DMD: variants seen among roughly 807,000 people sequenced by gnomAD.
The protein encoded by DMD is mutant dystrophin.
DMD carries 63 observed loss-of-function variants against 330.1 expected under a neutral mutation model. The observed-to-expected ratio is 0.19, with a 90% CI of 0.16 to 0.24. The LOEUF is 0.24. Among genes scored for constraint, DMD ranks in the 10% least tolerant of loss-of-function variants. DMD has a pLI of 1.00. For missense variants in DMD, 3,344 were observed against 2,684.1 expected (o/e 1.25, Z -5.43); for synonymous variants, 1,223 against 959.8 (o/e 1.27, Z -5.07).
chrX:31,395,068 G>A (rs1346172448), intron 60 of DMD, among the ~76,000 whole-genome samples: 3 of 109,199 alleles, frequency 2.7e-5, no homozygotes, highest in Non-Finnish European at 5.7e-5. Flanking sequence ...TTGAGGAATC[G>A]CTTTCCCCAT....
At chrX:32,151,990 G>C (rs1344914292) in intron 44 of DMD, among the ~76,000 whole-genome samples, 2 of 112,004 alleles carry the variant, frequency 1.8e-5, no homozygotes, top group Non-Finnish European at 3.8e-5. Flanking sequence ...ATAAATAGCT[G>C]TTTAAATAGC....
chrX:33,159,800 C>T (rs764825041), intron 1 of DMD, among the ~76,000 whole-genome samples: 1 of 111,571 alleles, frequency 9.0e-6, no homozygotes, highest in Non-Finnish European at 1.9e-5. Flanking sequence ...AGTATACACC[C>T]AGTAATGGGA....
rs184237224 is a variant in DMD, at chrX:32,633,205, C to T, written c.1331+10927G>A. ...TAGGTTGTTAGAAGTGGCCACACAA[C>T]GTCTTGAACATTTTGCTGCTTAGAA... On this transcript the variant is annotated intron_variant, in intron 11 of 78. Coordinates refer to ENST00000357033, the MANE Select transcript of DMD (RefSeq NM_004006.3). 5.9e-3 allele frequency among the ~76,000 whole-genome samples: 656 copies of T among 111,794 alleles called. 3 individuals carry two copies. Among genetic ancestry groups the T allele is most frequent in the African/African-American group, 0.02 (626 of 30,743 alleles).
At chrX:32,332,521 G>C (rs893711699) in intron 41 of DMD, among the ~76,000 whole-genome samples, 2 of 109,244 alleles carry the variant, frequency 1.8e-5, no homozygotes, top group Middle Eastern at 4.2e-3. Flanking sequence ...AACGAAAAGA[G>C]CCACATGGAG....
At chrX:31,861,734 T>TACACAC (rs1491287851) in intron 48 of DMD, among the ~76,000 whole-genome samples, 2 of 56,063 alleles carry the variant, frequency 3.6e-5, no homozygotes, top group African/African-American at 7.5e-5. Context: ...AGAAGAGTGC[T>TACACAC]ATACACACAC....
chrX:31,880,465 T>C (rs1413903445), intron 47 of DMD, among the ~76,000 whole-genome samples: 3 of 111,514 alleles, frequency 2.7e-5, no homozygotes, highest in African/African-American at 9.8e-5. Flanking sequence ...TAAAAAGAAA[T>C]TGACAAAAAT....
intron 45 of DMD, among the ~76,000 whole-genome samples, chrX:31,952,336 T>A (rs1201069006): frequency 9.0e-6 from 1 of 111,508 alleles, no homozygotes; most frequent in African/African-American, 3.3e-5. Flanking sequence ...AACATCTACA[T>A]TGATATGCTC....
intron 62 of DMD, among the ~76,000 whole-genome samples, chrX:31,308,803 C>A (rs942836734): frequency 9.0e-6 from 1 of 110,799 alleles, no homozygotes; most frequent in African/African-American, 3.3e-5. Flanking sequence ...GATCTCGGCT[C>A]ACTGCAACCT....
At chrX:32,718,970 T>C (rs1281957436) in intron 7 of DMD, among the ~76,000 whole-genome samples, 1 of 112,112 alleles carries the variant, frequency 8.9e-6, no homozygotes, top group Non-Finnish European at 1.9e-5. Flanking sequence ...CTGTAATTGG[T>C]GCCTCTTTAT....
chrX:31,248,469 T>A (rs1409758763), intron 63 of DMD, among the ~76,000 whole-genome samples: 1 of 112,335 alleles, frequency 8.9e-6, no homozygotes, highest in Non-Finnish European at 1.9e-5. Context: ...ATCAGTTTCC[T>A]TTGAACCCAG....
intron 62 of DMD, among the ~76,000 whole-genome samples, chrX:31,275,529 ATTGGAAGCCTCT>A (rs1437207377): frequency 9.0e-6 from 1 of 111,491 alleles, no homozygotes; most frequent in Non-Finnish European, 1.9e-5. Context: ...TCGACAAAGA[ATTGGAAGCCTCT>A]TTGCATATGA....
intron 62 of DMD, among the ~76,000 whole-genome samples, chrX:31,309,194 G>A (rs1026011507): frequency 1.8e-5 from 2 of 112,105 alleles, no homozygotes; most frequent in African/African-American, 3.2e-5. Flanking sequence ...AGGCACAAGC[G>A]TTGTCAGAGA....
At position 32,501,802 on chromosome X, in the gene DMD, T is replaced by C; in HGVS notation, c.2333A>G (p.Gln778Arg). ...GGCCTGAGCTGATCTGCTGGCATCT[T>C]GCAGTTTTCTGAACTTCTCAGCTTT... ...REKAEKFRKL[Q>R]DASRSAQALV... The change falls in exon 19 of 79, where the codon CAA becomes CGA. Residue 778 changes from glutamine (Q) to arginine (R), a missense_variant. By Grantham distance (43) the Gln-to-Arg change is conservative (BLOSUM62 1). Coordinates refer to ENST00000357033, the MANE Select transcript of DMD (RefSeq NM_004006.3). The C allele has an allele frequency of 8.3e-7, 1 of 1,209,149 alleles. No homozygotes were observed. Among genetic ancestry groups the C allele is most frequent in the Non-Finnish European group, 1.1e-6 (1 of 894,080 alleles).
chrX:32,823,503 T>C (rs1382989796), intron 4 of DMD, 116 bp from the exon 5 acceptor site: 1 of 514,863 alleles, frequency 1.9e-6, no homozygotes, highest in Non-Finnish European at 3.3e-6. Context: ...AGACTTAGCA[T>C]TGAAGCTTTT....
At chrX:32,108,214 G>T (rs1482051845) in intron 44 of DMD, among the ~76,000 whole-genome samples, 2 of 111,257 alleles carry the variant, frequency 1.8e-5, no homozygotes, top group Admixed American at 9.6e-5. Flanking sequence ...TCCACATTTT[G>T]ATCATTGCAA....
chrX:33,082,201 A>C (rs2094941047), intron 1 of DMD, among the ~76,000 whole-genome samples: 1 of 112,292 alleles, frequency 8.9e-6, no homozygotes, highest in Non-Finnish European at 1.9e-5. Context: ...ATATATCTAT[A>C]GCTTGTTTAT....
At chrX:32,635,183 GAC>G (rs1209444729) in intron 11 of DMD, among the ~76,000 whole-genome samples, 1 of 111,474 alleles carries the variant, frequency 9.0e-6, no homozygotes, top group African/African-American at 3.3e-5. Context: ...CAAGCACATA[GAC>G]TCTCTCTTCA....
At chrX:33,142,321 G>A (rs1046442463) in intron 1 of DMD, among the ~76,000 whole-genome samples, 4 of 112,769 alleles carry the variant, frequency 3.5e-5, no homozygotes, top group Non-Finnish European at 7.5e-5. Context: ...CTGACCTCAG[G>A]TGATCCACCC....
intron 7 of DMD, among the ~76,000 whole-genome samples, chrX:32,734,378 A>C (rs1020713225): frequency 1.0e-4 from 10 of 99,708 alleles, no homozygotes; most frequent in East Asian, 3.0e-4. Flanking sequence ...TATTCCAATC[A>C]ATAGAAAAAG....
Sources: gnomAD v4.1 joint callset for allele counts (sites outside exome capture counted in the v4.1 genomes callset) on GRCh38, gnomAD v4.1.1 for gene constraint, MANE v1.5 for transcripts, NCBI Gene and HGNC (gene_info 2026-07-23, HGNC 2026-07-21) for gene names.